Variants in ANK3 observed in about 807,000 individuals in gnomAD.
ANK3 encodes ankyrin 3, also known as ankyrin-3.
A neutral mutation model predicts 370.9 loss-of-function variants in ANK3; 57 were observed. The ratio of observed to expected loss-of-function variants is 0.15; its 90% CI spans 0.12 to 0.19. The LOEUF (loss-of-function observed/expected upper bound fraction) is 0.19, where lower values mean the gene tolerates loss of function less well. ANK3 is among the 10% of genes least tolerant of loss of function. The pLI is 1.00. For synonymous variants in ANK3, 1,929 were observed against 1,946.3 expected (o/e 0.99, Z 0.23); for missense variants, 4,439 against 5,302.1 (o/e 0.84, Z 5.06).
chr10:60,301,234 GTATA>G (rs2043670366), intron 1 of ANK3, among the ~76,000 whole-genome samples: 1 of 138,818 alleles, frequency 7.2e-6, no homozygotes, highest in South Asian at 2.3e-4. Context: ...TATATATAAA[GTATA>G]TATACATATA....
chr10:60,414,997 T>C (rs921757573), intron 2 of ANK3, among the ~76,000 whole-genome samples: 1 of 152,172 alleles, frequency 6.6e-6, no homozygotes, highest in African/African-American at 2.4e-5. Context: ...CCTCTGGAAT[T>C]CCAGGGGCTG....
chr10:60,303,749 A>T (rs12769571), intron 1 of ANK3, among the ~76,000 whole-genome samples: 20,441 of 152,166 alleles, frequency 0.13, 1,475 homozygotes, highest in African/African-American at 0.15. Context: ...ATATTGCCAA[A>T]GAAATAAAAT....
intron 1 of ANK3, among the ~76,000 whole-genome samples, chr10:60,668,763 G>A (rs1179761291): frequency 6.6e-6 from 1 of 152,118 alleles, no homozygotes; most frequent in Admixed American, 6.5e-5. Flanking sequence ...GGAGGCTGAG[G>A]CGGGTGGATC....
At chr10:60,365,359 C>G (rs766850249) in intron 1 of ANK3, among the ~76,000 whole-genome samples, 1 of 152,106 alleles carries the variant, frequency 6.6e-6, no homozygotes. Context: ...TAATCCAAAT[C>G]TGATAACACC....
intron 43 of ANK3, among the ~76,000 whole-genome samples, chr10:60,038,972 C>T (rs1172933680): frequency 6.6e-6 from 1 of 152,144 alleles, no homozygotes; most frequent in African/African-American, 2.4e-5. Flanking sequence ...TCAGAGAGAC[C>T]TTCCCTAGCC....
intron 2 of ANK3, among the ~76,000 whole-genome samples, chr10:60,604,036 T>C (rs946899812): frequency 6.6e-6 from 1 of 152,170 alleles, no homozygotes; most frequent in African/African-American, 2.4e-5. Flanking sequence ...GGGATTTAAG[T>C]AAAAGATGGC....
intron 1 of ANK3, among the ~76,000 whole-genome samples, chr10:60,631,743 A>C (rs548137978): frequency 6.6e-6 from 1 of 152,288 alleles, no homozygotes; most frequent in African/African-American, 2.4e-5. Context: ...AAGAATACAG[A>C]TCTAGAGCAA....
chr10:60,511,746 C>T (rs2076086444), intron 2 of ANK3, among the ~76,000 whole-genome samples: 1 of 151,836 alleles, frequency 6.6e-6, no homozygotes, highest in Non-Finnish European at 1.5e-5. Context: ...ACTCCTGCTT[C>T]CCCCACTTTT....
intron 16 of ANK3, among the ~76,000 whole-genome samples, chr10:60,190,492 T>C (rs2096457136): frequency 6.6e-6 from 1 of 152,232 alleles, no homozygotes; most frequent in Non-Finnish European, 1.5e-5. Context: ...CAAACTTCTC[T>C]GGTAGTGTGC....
chr10:60,518,472 G>A (rs2133176895), intron 2 of ANK3, among the ~76,000 whole-genome samples: 1 of 152,060 alleles, frequency 6.6e-6, no homozygotes, highest in East Asian at 1.9e-4. Flanking sequence ...AATCACCTGG[G>A]GTACTTGTTA....
chr10:60,053,652 C>G, intron 42 of ANK3: 1 of 1,299,170 alleles, frequency 7.7e-7, no homozygotes, highest in Non-Finnish European at 1.0e-6. Context: ...TGCATGGAAA[C>G]AGGTGGAAAA....
intron 6 of ANK3, among the ~76,000 whole-genome samples, chr10:60,263,101 C>T (rs973271732): frequency 1.3e-5 from 2 of 152,098 alleles, no homozygotes; most frequent in Non-Finnish European, 2.9e-5. Flanking sequence ...ATATAGACTA[C>T]ACGTATATGC....
intron 2 of ANK3, among the ~76,000 whole-genome samples, chr10:60,463,836 A>G (rs1375295187): frequency 6.6e-6 from 1 of 151,302 alleles, no homozygotes; most frequent in Non-Finnish European, 1.5e-5. Flanking sequence ...CTCTAGAAAG[A>G]TTTTTTTTTG....
In ANK3 at chr10:60,080,604, A is replaced by G. The variant is rs368626572; in HGVS notation, c.4365T>C (p.Asp1455=). Residue 1455 remains aspartate (D), a synonymous_variant, in exon 36 of 44, where the codon GAT becomes GAC. Coordinates refer to ENST00000280772, the MANE Select transcript of ANK3 (RefSeq NM_020987.5). ...SDQDDEIEKT[D]RRQSFASLAL... is the part of the protein sequence containing the mutation. ...CTAAGGATGCGAAGCTCTGTCGTCTATCTGTTTTCTCAATCTGAAAAGGAA... is the reference window on the plus strand; with the variant it reads ...CTAAGGATGCGAAGCTCTGTCGTCTGTCTGTTTTCTCAATCTGAAAAGGAA... The G allele has an allele frequency of 3.1e-5, 50 of 1,591,830 alleles. No individual in the cohort carries two copies. In the East Asian group the frequency reaches 1.0e-3, roughly 32 times the overall value.
At chr10:60,273,448 A>G (rs2132683886) in intron 4 of ANK3, among the ~76,000 whole-genome samples, 1 of 152,104 alleles carries the variant, frequency 6.6e-6, no homozygotes, top group African/African-American at 2.4e-5. Flanking sequence ...ATCTAATTCT[A>G]GAATATTTTC....
chr10:60,535,107 C>T (rs1261060017), intron 2 of ANK3, among the ~76,000 whole-genome samples: 2 of 152,144 alleles, frequency 1.3e-5, no homozygotes, highest in African/African-American at 2.4e-5. Context: ...TGAAACTATT[C>T]AGCATTGCCA....
intron 1 of ANK3, among the ~76,000 whole-genome samples, chr10:60,295,530 G>A (rs1263257049): frequency 1.3e-5 from 2 of 152,058 alleles, no homozygotes; most frequent in Non-Finnish European, 2.9e-5. Flanking sequence ...AAACATACAG[G>A]GACTGAACCC....
chr10:60,188,137 C>A (rs975241053), intron 16 of ANK3, among the ~76,000 whole-genome samples: 4 of 152,198 alleles, frequency 2.6e-5, no homozygotes, highest in African/African-American at 9.7e-5. Context: ...GTATTAATTA[C>A]ATGAAGAAAG....
At chr10:60,637,603 T>C (rs2078572416) in intron 1 of ANK3, among the ~76,000 whole-genome samples, 1 of 152,172 alleles carries the variant, frequency 6.6e-6, no homozygotes, top group African/African-American at 2.4e-5. Context: ...TAACATGGCC[T>C]TCTCTGACAT....
Sources: gnomAD v4.1 joint callset for allele counts (sites outside exome capture counted in the v4.1 genomes callset) on GRCh38, gnomAD v4.1.1 for gene constraint, MANE v1.5 for transcripts, NCBI Gene and HGNC (gene_info 2026-07-23, HGNC 2026-07-21) for gene names.